Variants in SLC25A48 observed in about 807,000 individuals in gnomAD.
SLC25A48 encodes the protein solute carrier family 25 member 48.
SLC25A48 carries 29 observed loss-of-function variants against 32.2 expected under a neutral mutation model. The ratio of observed to expected loss-of-function variants is 0.90; its 90% confidence interval spans 0.67 to 1.23. The LOEUF is 1.23. Ranked by LOEUF, SLC25A48 falls within the 50% of genes most tolerant of loss-of-function variation. SLC25A48 has a pLI of 0.00. For missense variants in SLC25A48, 399 were observed against 422.7 expected (o/e 0.94, Z 0.49); for synonymous variants, 164 against 172.3 (o/e 0.95, Z 0.38).
intron 3 of SLC25A48, among the ~76,000 whole-genome samples, chr5:135,657,815 G>A (rs903833411): frequency 3.3e-5 from 5 of 152,174 alleles, no homozygotes; most frequent in Non-Finnish European, 5.9e-5. Context: ...GACCTCCAGG[G>A]ACTTCCTCTC....
chr5:135,622,855 A>G (rs181037607), intron 1 of SLC25A48, among the ~76,000 whole-genome samples: 245 of 152,338 alleles, frequency 1.6e-3, no homozygotes, highest in African/African-American at 5.3e-3. Context: ...TAATAATAAA[A>G]AGACTGTGTT....
chr5:135,846,156 T>G (rs949830083), intron 2 of SLC25A48, among the ~76,000 whole-genome samples: 1 of 152,216 alleles, frequency 6.6e-6, no homozygotes, highest in Admixed American at 6.5e-5. Flanking sequence ...GGATCTAGGT[T>G]GCCCGCTCTT....
At chr5:135,875,020 A>G in intron 6 of SLC25A48, 2 of 342,992 alleles carry the variant, frequency 5.8e-6, no homozygotes, top group Non-Finnish European at 1.0e-5. Context: ...AGGGCGGGGC[A>G]TTTGTGGGTT....
intron 3 of SLC25A48, among the ~76,000 whole-genome samples, chr5:135,768,145 G>A (rs780049426): frequency 7.7e-5 from 11 of 141,974 alleles, no homozygotes; most frequent in Non-Finnish European, 1.4e-4. Context: ...AAATATCACA[G>A]TGGGGTGTAC....
chr5:135,778,835 A>ACCCCCCCCCC (rs1440052779), intron 3 of SLC25A48, among the ~76,000 whole-genome samples: 5 of 114,646 alleles, frequency 4.4e-5, no homozygotes, highest in African/African-American at 1.1e-4. Context: ...AGTGGTGTAC[A>ACCCCCCCCCC]CACACCCCCC....
At chr5:135,885,961 G>A (rs1762698546) in intron 7 of SLC25A48, among the ~76,000 whole-genome samples, 1 of 152,038 alleles carries the variant, frequency 6.6e-6, no homozygotes, top group Non-Finnish European at 1.5e-5. Context: ...TCGTATATGG[G>A]TAATTATATG....
At chr5:135,717,435 C>T (rs1361172628) in intron 3 of SLC25A48, among the ~76,000 whole-genome samples, 3 of 152,238 alleles carry the variant, frequency 2.0e-5, no homozygotes, top group Admixed American at 6.5e-5. Flanking sequence ...TGTGGTGGAC[C>T]GAATTTGCCC....
At chr5:135,805,216 AGTGTACACCCTGT>A (rs987950523) in intron 3 of SLC25A48, among the ~76,000 whole-genome samples, 24 of 151,146 alleles carry the variant, frequency 1.6e-4, no homozygotes, top group African/African-American at 5.6e-4. Flanking sequence ...CATCACAGTC[AGTGTACACCCTGT>A]GTGTACACCC....
chr5:135,626,553 C>T (rs1752444838), intron 1 of SLC25A48, among the ~76,000 whole-genome samples: 1 of 152,144 alleles, frequency 6.6e-6, no homozygotes. Flanking sequence ...TATGTGTGTG[C>T]ATAAGTGTGT....
intron 1 of SLC25A48, among the ~76,000 whole-genome samples, chr5:135,615,076 A>G (rs1752155523): frequency 6.6e-6 from 1 of 152,178 alleles, no homozygotes; most frequent in South Asian, 2.1e-4. Flanking sequence ...TTTCTTTATA[A>G]ATTACCCAGT....
intron 3 of SLC25A48, among the ~76,000 whole-genome samples, chr5:135,747,015 A>G (rs1211842348): frequency 6.8e-6 from 1 of 147,970 alleles, no homozygotes; most frequent in African/African-American, 2.5e-5. Flanking sequence ...TTTTTCCTGC[A>G]GAACACACTT....
At chr5:135,608,108 C>T (rs1751980671) in intron 1 of SLC25A48, among the ~76,000 whole-genome samples, 3 of 152,186 alleles carry the variant, frequency 2.0e-5, no homozygotes, top group Non-Finnish European at 4.4e-5. Flanking sequence ...GAGATGTGTT[C>T]ACAGCTGTTA....
intron 3 of SLC25A48, among the ~76,000 whole-genome samples, chr5:135,784,696 C>G (rs1756793804): frequency 8.5e-6 from 1 of 118,086 alleles, no homozygotes; most frequent in Non-Finnish European, 2.1e-5. Context: ...GATGTTACTC[C>G]CAATATCGCA....
intron 3 of SLC25A48, among the ~76,000 whole-genome samples, chr5:135,729,893 A>C (rs1302304836): frequency 2.6e-5 from 4 of 152,198 alleles, no homozygotes; most frequent in African/African-American, 9.7e-5. Flanking sequence ...AGTAAAAATA[A>C]ATAAAAGGGG....
intron 1 of SLC25A48, among the ~76,000 whole-genome samples, chr5:135,603,458 C>T (rs4535446): frequency 0.19 from 29,341 of 152,278 alleles, 2,920 homozygotes; most frequent in East Asian, 0.3. Context: ...TCCTCTCATT[C>T]AGCCTGAGGG....
chr5:135,843,184 G>T (rs1370724784), intron 2 of SLC25A48, among the ~76,000 whole-genome samples: 2 of 152,192 alleles, frequency 1.3e-5, no homozygotes, highest in Non-Finnish European at 2.9e-5. Context: ...GGGCGTTTAG[G>T]CTCCCCAGGG....
chr5:135,755,705 T>A (rs1451532654), intron 3 of SLC25A48, among the ~76,000 whole-genome samples: 1 of 152,006 alleles, frequency 6.6e-6, no homozygotes, highest in African/African-American at 2.4e-5. Context: ...ATTTCTTATA[T>A]CTAGTGTCAA....
intron 4 of SLC25A48, among the ~76,000 whole-genome samples, chr5:135,857,425 C>G (rs539846516): frequency 6.6e-6 from 1 of 152,366 alleles, no homozygotes; most frequent in Admixed American, 6.5e-5. Context: ...ATGTGACATG[C>G]TCACTCTATA....
chr5:135,841,838 C>T (rs1759023460), intron 1 of SLC25A48, among the ~76,000 whole-genome samples: 1 of 152,098 alleles, frequency 6.6e-6, no homozygotes, highest in South Asian at 2.1e-4. Context: ...AGAGGGTAAC[C>T]CTCCCAGAGG....
Sources: allele counts gnomAD v4.1 joint callset (sites outside exome capture counted in the v4.1 genomes callset), GRCh38; gene constraint gnomAD v4.1.1; transcripts MANE v1.5; gene names NCBI Gene and HGNC (gene_info 2026-07-23, HGNC 2026-07-21).